Variants in ARHGEF26 observed in about 807,000 individuals in gnomAD.
The protein encoded by ARHGEF26 is Rho guanine nucleotide exchange factor (GEF) 26.
In ARHGEF26, 59 loss-of-function variants were observed where a neutral mutation model predicts 89.4. The observed-to-expected ratio is 0.66, with a 90% CI of 0.54 to 0.82. ARHGEF26 has a LOEUF of 0.82. Among genes scored for constraint, ARHGEF26 ranks in the 40% least tolerant of loss-of-function variants. The pLI is 0.00. For missense variants in ARHGEF26, 1,234 were observed against 1,085.6 expected (o/e 1.14, Z -1.92); for synonymous variants, 500 against 428.4 (o/e 1.17, Z -2.06).
intron 6 of ARHGEF26, among the ~76,000 whole-genome samples, chr3:154,171,590 T>C (rs976556100): frequency 6.6e-6 from 1 of 152,194 alleles, no homozygotes; most frequent in Non-Finnish European, 1.5e-5. Context: ...TTTTGCCTTT[T>C]CTAATGCTGT....
chr3:154,171,884 G>A (rs1712464464), intron 6 of ARHGEF26, among the ~76,000 whole-genome samples: 1 of 152,128 alleles, frequency 6.6e-6, no homozygotes, highest in Non-Finnish European at 1.5e-5. Context: ...GGGAGGACTG[G>A]CCAAGAATGC....
At chr3:154,223,647 T>G (rs1481889381) in intron 10 of ARHGEF26, among the ~76,000 whole-genome samples, 2 of 152,116 alleles carry the variant, frequency 1.3e-5, no homozygotes, top group African/African-American at 2.4e-5. Context: ...GACAAATCCA[T>G]AGAGTTAGAA....
chr3:154,131,100 A>G (rs997123394), intron 4 of ARHGEF26, among the ~76,000 whole-genome samples: 1 of 152,156 alleles, frequency 6.6e-6, no homozygotes, highest in Non-Finnish European at 1.5e-5. Flanking sequence ...CACCCTTATG[A>G]TTATGCCAAA....
At chr3:154,167,831 T>C (rs145239227) in intron 6 of ARHGEF26, among the ~76,000 whole-genome samples, 1,584 of 152,292 alleles carry the variant, frequency 0.01, 22 homozygotes, top group African/African-American at 0.036. Context: ...TGATCTATAC[T>C]TCAGGTTCAT....
chr3:154,125,514 C>G (rs1382632272), intron 3 of ARHGEF26, among the ~76,000 whole-genome samples: 2 of 152,106 alleles, frequency 1.3e-5, no homozygotes, highest in Non-Finnish European at 2.9e-5. Flanking sequence ...GGACACAGAT[C>G]GAGTTCTTAG....
intron 6 of ARHGEF26, among the ~76,000 whole-genome samples, chr3:154,181,136 A>G (rs1228590870): frequency 2.0e-5 from 3 of 152,226 alleles, no homozygotes; most frequent in Admixed American, 1.3e-4. Context: ...CACCAAAAAA[A>G]TTCCAAATAA....
At chr3:154,168,610 A>G (rs1191016661) in intron 6 of ARHGEF26, among the ~76,000 whole-genome samples, 1 of 152,050 alleles carries the variant, frequency 6.6e-6, no homozygotes, top group Non-Finnish European at 1.5e-5. Context: ...AAACCCAAAA[A>G]TGGCCAAAGA....
intron 3 of ARHGEF26, among the ~76,000 whole-genome samples, chr3:154,128,820 A>G (rs547220718): frequency 6.6e-6 from 1 of 152,026 alleles, no homozygotes; most frequent in South Asian, 2.1e-4. Flanking sequence ...AAACTACCCT[A>G]CTTAACATCT....
At chr3:154,129,029 A>G (rs1232185310) in intron 3 of ARHGEF26, among the ~76,000 whole-genome samples, 1 of 152,132 alleles carries the variant, frequency 6.6e-6, no homozygotes, top group Admixed American at 6.5e-5. Flanking sequence ...GGTTCCTAGT[A>G]GGTGTTTTCT....
intron 6 of ARHGEF26, among the ~76,000 whole-genome samples, chr3:154,164,409 G>T (rs1365957344): frequency 6.7e-6 from 1 of 150,040 alleles, no homozygotes; most frequent in African/African-American, 2.5e-5. Context: ...AAAATATCCT[G>T]AGGAACATAT....
In ARHGEF26 at chr3:154,225,984, T is replaced by C. The variant is rs752167227; in HGVS notation, c.2064T>C (p.Asp688=). 5 of 1,612,832 alleles carry C rather than the reference T, an allele frequency of 3.1e-6. No individual in the cohort carries two copies. Among genetic ancestry groups the C allele is most frequent in the African/African-American group, 2.7e-5 (2 of 74,978 alleles). ...AAGTCTACTTCTTTCTCTTTAACGATGTGCTCATTATCACCAAGAAGAAGA... is the reference window on the plus strand; with the variant it reads ...AAGTCTACTTCTTTCTCTTTAACGACGTGCTCATTATCACCAAGAAGAAGA... The part of the protein sequence containing the change: ...KQQVYFFLFN[D]VLIITKKKSE... Residue 688 remains aspartate (D), a synonymous_variant, in exon 11 of 15, where the codon GAT becomes GAC. Coordinates refer to ENST00000465093, the MANE Select transcript of ARHGEF26 (RefSeq NM_015595.4).
At chr3:154,246,588 C>G (rs1314177198) in intron 12 of ARHGEF26, among the ~76,000 whole-genome samples, 1 of 152,102 alleles carries the variant, frequency 6.6e-6, no homozygotes, top group Admixed American at 6.5e-5. Flanking sequence ...AGAGATATCT[C>G]GAGAAACACT....
chr3:154,218,640 A>G (rs1715928415), intron 10 of ARHGEF26, among the ~76,000 whole-genome samples: 2 of 152,186 alleles, frequency 1.3e-5, no homozygotes, highest in African/African-American at 4.8e-5. Context: ...ATTTTAAATG[A>G]CTGGTCATAT....
Position 154,234,984 on chromosome 3 carries a change from G to T in ARHGEF26, c.2091-5386G>T, listed in dbSNP as rs138666363. Among the ~76,000 whole-genome samples the T allele has an allele frequency of 5.6e-3, 844 of 151,876 alleles. 7 individuals carry two copies. Among genetic ancestry groups the T allele is most frequent in the Non-Finnish European group, 8.6e-3 (586 of 67,940 alleles). On this transcript the variant is annotated intron_variant, in intron 11 of 14. Coordinates refer to ENST00000465093, the MANE Select transcript of ARHGEF26 (RefSeq NM_015595.4). ...TCACCGTGTTATCCAGGATGGTCTC[G>T]ATCTCCTGACCTTGTGATCCGCCCG...
intron 11 of ARHGEF26, among the ~76,000 whole-genome samples, chr3:154,237,474 G>A (rs536009889): frequency 2.6e-5 from 4 of 151,818 alleles, no homozygotes; most frequent in Non-Finnish European, 4.4e-5. Flanking sequence ...CCTGGCAGGC[G>A]GAGGTTGCAG....
chr3:154,174,939 A>C (rs1712705242), intron 6 of ARHGEF26, among the ~76,000 whole-genome samples: 2 of 152,210 alleles, frequency 1.3e-5, no homozygotes, highest in African/African-American at 4.8e-5. Context: ...CATTGCAAAG[A>C]AAAATGATGG....
intron 6 of ARHGEF26, 72 bp downstream of exon 6, chr3:154,153,004 A>G (rs544964788): frequency 7.7e-7 from 1 of 1,292,602 alleles, no homozygotes; most frequent in East Asian, 2.8e-5. Context: ...TTATCTCTAA[A>G]GGAAGGCATT....
chr3:154,177,871 G>A (rs985634456), intron 6 of ARHGEF26, among the ~76,000 whole-genome samples: 1 of 152,102 alleles, frequency 6.6e-6, no homozygotes, highest in Admixed American at 6.6e-5. Context: ...TACAAGCCCC[G>A]GCCCTCCATC....
intron 6 of ARHGEF26, among the ~76,000 whole-genome samples, chr3:154,161,763 T>C (rs747945174): frequency 5.3e-5 from 8 of 152,202 alleles, no homozygotes; most frequent in Non-Finnish European, 1.2e-4. Flanking sequence ...TCCATAATCA[T>C]AAAGAATTAA....
Sources: gnomAD v4.1 joint callset for allele counts (sites outside exome capture counted in the v4.1 genomes callset) on GRCh38, gnomAD v4.1.1 for gene constraint, MANE v1.5 for transcripts, NCBI Gene and HGNC (gene_info 2026-07-23, HGNC 2026-07-21) for gene names.